Variants in ANGPTL6 observed in about 807,000 individuals in gnomAD.
ANGPTL6 encodes angiopoietin-related protein 6.
In ANGPTL6, 45 loss-of-function variants were observed where a neutral mutation model predicts 47.4. That is an observed-to-expected ratio of 0.95 (90% CI 0.75 to 1.22). ANGPTL6 has a LOEUF of 1.22. Ranked by LOEUF, ANGPTL6 falls within the 50% of genes most tolerant of loss-of-function variation. ANGPTL6 has a pLI of 0.00. For missense variants in ANGPTL6, 698 were observed against 669.4 expected, an observed-to-expected ratio of 1.04 and a Z score of -0.47; for synonymous variants, 290 against 295.9, an observed-to-expected ratio of 0.98 and a Z score of 0.20.
Position 10,094,937 on chromosome 19 carries a change from A to C in ANGPTL6, c.584T>G (p.Val195Gly). Residue 195 changes from valine (V) to glycine (G), a missense_variant and splice_region_variant, in exon 3 of 6, where the codon GTC (valine) becomes GGC (glycine). Transcript: ENST00000253109. ...CPGGAGGQQQ[V>G]LPPPPLVPVV... Reference sequence around the variant, plus strand: ...AGGCACCAGTGGGGGTGGCGGCAGGACCTGGGGTGACGGAGAAAGTCAGGT... The same window carrying C: ...AGGCACCAGTGGGGGTGGCGGCAGGCCCTGGGGTGACGGAGAAAGTCAGGT... 1 of 1,599,948 alleles carries C rather than the reference A, an allele frequency of 6.3e-7. No individual in the cohort carries two copies. Among genetic ancestry groups the C allele is most frequent in the Non-Finnish European group, 8.5e-7 (1 of 1,171,778 alleles).
upstream of ANGPTL6, among the ~76,000 whole-genome samples, chr19:10,104,819 T>C (rs1337761306): frequency 1.3e-5 from 2 of 152,172 alleles, no homozygotes; most frequent in Non-Finnish European, 2.9e-5. Context: ...CACATCCTGG[T>C]TCTTGTGATC....
At chr19:10,097,115 A>C (rs945058228) in intron 1 of ANGPTL6, among the ~76,000 whole-genome samples, 3 of 150,328 alleles carry the variant, frequency 2.0e-5, no homozygotes, top group African/African-American at 7.4e-5. Context: ...AAATAAATAA[A>C]TAAAAACAAG....
At chr19:10,098,005 CAAA>C (rs71188881) in intron 1 of ANGPTL6, among the ~76,000 whole-genome samples, 127 of 130,866 alleles carry the variant, frequency 9.7e-4, no homozygotes, top group Non-Finnish European at 1.2e-3. Context: ...CTGTCTCTAC[CAAA>C]AAAAAAAAAA....
upstream of ANGPTL6, among the ~76,000 whole-genome samples, chr19:10,103,527 T>G (rs374296324): frequency 3.9e-4 from 59 of 150,386 alleles, no homozygotes; most frequent in African/African-American, 1.4e-3. Flanking sequence ...GAGGTGGAGG[T>G]TGCAGTAAGC....
intron 2 of ANGPTL6, among the ~76,000 whole-genome samples, chr19:10,095,311 T>C (rs1283184659): frequency 6.6e-6 from 1 of 151,970 alleles, no homozygotes; most frequent in South Asian, 2.1e-4. Context: ...ACTCGGAAGG[T>C]TGAGGTAGGA....
At chr19:10,095,867 T>A (rs1159820812) in intron 2 of ANGPTL6, 115 bp downstream of exon 2, 3 of 616,634 alleles carry the variant, frequency 4.9e-6, no homozygotes, top group African/African-American at 1.9e-5. Context: ...AAGGGGCGAG[T>A]AGGAATCCGG....
chr19:10,097,354 C>T (rs992564052), intron 1 of ANGPTL6, among the ~76,000 whole-genome samples: 2 of 151,584 alleles, frequency 1.3e-5, no homozygotes, highest in African/African-American at 2.4e-5. Flanking sequence ...TGCACTCAAG[C>T]CTGGGCGACA....
At position 10,093,542 on chromosome 19, in the gene ANGPTL6, A is replaced by G. The variant is rs1352186057; in HGVS notation, c.1029T>C (p.His343=). ...AGTCCTCCAGGAGAACCAGCAGCTC[A>G]TGGTCCCCACGGCTGGTCAGCTGAT... ...PVYQLTSRGD[H]ELLVLLEDWG... is the part of the protein sequence containing the mutation. The change falls in exon 5 of 6, where the codon CAT becomes CAC. Residue 343 remains histidine (H), a synonymous_variant. Transcript: ENST00000253109. 9 of 1,612,010 alleles carry G rather than the reference A, an allele frequency of 5.6e-6. No homozygotes were observed. Among genetic ancestry groups the G allele is most frequent in the South Asian group, 1.1e-5 (1 of 91,050 alleles).
rs757328885 is a variant in ANGPTL6, at chr19:10,092,594, G to C, written c.1408C>G (p.Leu470Val). 3 of 1,603,798 alleles carry C rather than the reference G, an allele frequency of 1.9e-6. No homozygotes were observed. Among genetic ancestry groups the C allele is most frequent in the Non-Finnish European group, 2.6e-6 (3 of 1,172,484 alleles). ...GGGGACAGAGGAACACAGAGTCACA[G>C]CTTCAGGGGCCGAATGAGCATGGCG... ...KAAMLIRPLK[L>V] is the part of the protein sequence containing the mutation. The change falls in exon 6 of 6, where the codon CTG becomes GTG. Residue 470 changes from leucine (L) to valine (V), a missense_variant. Coordinates refer to ENST00000253109, the MANE Select transcript of ANGPTL6 (RefSeq NM_031917.3).
At chr19:10,099,853 T>TCTC (rs2088639912) in intron 1 of ANGPTL6, among the ~76,000 whole-genome samples, 1 of 100,818 alleles carries the variant, frequency 9.9e-6, no homozygotes, top group African/African-American at 3.6e-5. Context: ...CTTTCTCTCT[T>TCTC]TCTCTCTCTC....
At chr19:10,103,544 C>T (rs759143394), upstream of ANGPTL6, among the ~76,000 whole-genome samples, 16 of 150,552 alleles carry the variant, frequency 1.1e-4, no homozygotes, top group South Asian at 2.1e-4. Context: ...AAGCCGAGAT[C>T]GAGCAACCGC....
chr19:10,096,171 C>CTCCGCCCCCAGA lies in ANGPTL6; in HGVS notation c.381_392dup (p.Asp127_Ala130dup), dbSNP rs943365130. ...CGAGCAGCGCCAGCGCCGCGGCAGG[C>CTCCGCCCCCAGA]TCCGCCCCCAGATCCGCCCCCGGGC... On this transcript the variant is annotated inframe_insertion, in exon 2 of 6. Coordinates refer to ENST00000253109, the MANE Select transcript of ANGPTL6 (RefSeq NM_031917.3). The CTCCGCCCCCAGA allele has an allele frequency of 9.2e-6, 12 of 1,299,432 alleles. No homozygotes were observed. The highest frequency in any genetic ancestry group is 1.5e-5 in the African/African-American group (1 of 64,912). 80.5% of individuals were successfully genotyped at this position (1,299,432 alleles called of 1,614,324 possible).
At position 10,092,499 on chromosome 19, in the gene ANGPTL6, G is replaced by A; in HGVS notation, c.*90C>T. ...GTGGGAAGTTCTGTGGGACACATTGGCACTGAGCCACAAAGAAGGTGTGGC... is the reference window on the plus strand; with the variant it reads ...GTGGGAAGTTCTGTGGGACACATTGACACTGAGCCACAAAGAAGGTGTGGC... On this transcript the variant is annotated 3_prime_UTR_variant, in exon 6 of 6. Coordinates refer to ENST00000253109, the MANE Select transcript of ANGPTL6 (RefSeq NM_031917.3). 1 of 1,523,486 alleles carries A rather than the reference G, an allele frequency of 6.6e-7. No individual in the cohort carries two copies. Among genetic ancestry groups the A allele is most frequent in the Non-Finnish European group, 8.9e-7 (1 of 1,127,912 alleles). 94.4% of individuals were successfully genotyped at this position (1,523,486 alleles called of 1,614,324 possible). A position where few individuals can be genotyped will look rare whatever the true frequency, so the allele number is the denominator to read the frequency against.
upstream of ANGPTL6, among the ~76,000 whole-genome samples, chr19:10,103,959 G>GT (rs2088749801): frequency 6.6e-6 from 1 of 151,350 alleles, no homozygotes; most frequent in Non-Finnish European, 1.5e-5. Flanking sequence ...CGGGTGTGGT[G>GT]GCCCATGCCT....
At position 10,093,528 on chromosome 19, in the gene ANGPTL6, A is replaced by T. The variant is rs772756507; in HGVS notation, c.1043T>A (p.Leu348His). ...TCCACGGCCCCCCCAGTCCTCCAGG[A>T]GAACCAGCAGCTCATGGTCCCCACG... ...TSRGDHELLV[L>H]LEDWGGRGAR... is the part of the protein sequence containing the mutation. Residue 348 changes from leucine to histidine, a missense_variant, in exon 5 of 6, where the codon CTC becomes CAC. By Grantham distance (99) the Leu-to-His change is moderately conservative (BLOSUM62 -3). Transcript: ENST00000253109. The T allele has an allele frequency of 3.1e-6, 5 of 1,614,168 alleles. No homozygotes were observed. The highest frequency in any genetic ancestry group is 3.4e-6 in the Non-Finnish European group (4 of 1,180,030).
upstream of ANGPTL6, among the ~76,000 whole-genome samples, chr19:10,104,300 GT>G (rs2088761481): frequency 2.3e-5 from 2 of 86,314 alleles, no homozygotes; most frequent in African/African-American, 5.3e-5. Context: ...TGTTTTTTTT[GT>G]TTTGTTTGTG....
chr19:10,092,894 C>G, intron 5 of ANGPTL6, 115 bp from the exon 6 acceptor site: 2 of 874,532 alleles, frequency 2.3e-6, no homozygotes, highest in Non-Finnish European at 3.3e-6. Flanking sequence ...TTATTGAATA[C>G]AAGCCCTGAT....
At chr19:10,103,385 T>G (rs796961475), upstream of ANGPTL6, among the ~76,000 whole-genome samples, 6 of 150,930 alleles carry the variant, frequency 4.0e-5, no homozygotes, top group African/African-American at 1.5e-4. Flanking sequence ...AGGTCAGGAG[T>G]TCGAAACCAT....
At position 10,096,124 on chromosome 19, in the gene ANGPTL6, G is replaced by T; in HGVS notation, c.440C>A (p.Ser147Tyr). The change falls in exon 2 of 6, where the codon TCC becomes TAC. Residue 147 changes from serine (S) to tyrosine (Y), a missense_variant. Physicochemically the swap from Ser to Tyr is moderately radical, Grantham distance 144. Transcript: ENST00000253109. Reference protein sequence around the residue: ...ALLGERVLNASAEAQRAAARF... With the variant: ...ALLGERVLNAYAEAQRAAARF... ...GGCGGCTGCGCGCTGAGCCTCGGCGGACGCGTTGAGCACGCGCTCCCCGAG... is the reference window on the plus strand; with the variant it reads ...GGCGGCTGCGCGCTGAGCCTCGGCGTACGCGTTGAGCACGCGCTCCCCGAG... The T allele has an allele frequency of 6.9e-7, 1 of 1,451,408 alleles. No individual in the cohort carries two copies. Among genetic ancestry groups the T allele is most frequent in the South Asian group, 1.4e-5 (1 of 73,038 alleles). The allele number at this position is 1,451,408 out of a possible 1,614,324, so 89.9% of individuals were successfully genotyped here.
Sources: allele counts gnomAD v4.1 joint callset (sites outside exome capture counted in the v4.1 genomes callset), GRCh38; gene constraint gnomAD v4.1.1; transcripts MANE v1.5; gene names NCBI Gene and HGNC (gene_info 2026-07-23, HGNC 2026-07-21).